Variants in LRRC27 observed in about 807,000 individuals in gnomAD.
LRRC27 encodes leucine-rich repeat-containing protein 27.
LRRC27 carries 57 observed loss-of-function variants against 55.0 expected under a neutral mutation model. The ratio of observed to expected loss-of-function variants is 1.04; its 90% CI spans 0.84 to 1.29. LRRC27 has a LOEUF of 1.29. Ranked by LOEUF, LRRC27 falls within the 50% of genes most tolerant of loss-of-function variation. LRRC27 has a pLI of 0.00. For synonymous variants in LRRC27, 278 were observed against 251.9 expected, an observed-to-expected ratio of 1.10 and a Z score of -0.98; for missense variants, 721 against 651.5, an observed-to-expected ratio of 1.11 and a Z score of -1.16.
rs2067489401 is a variant in LRRC27, at chr10:132,342,952, T to C, written c.400+681T>C. 2.0e-5 allele frequency among the ~76,000 whole-genome samples: 3 copies of C among 152,140 alleles called. No homozygotes were observed. In the South Asian group the frequency reaches 6.2e-4, roughly 31 times the overall value. ...GCATGTATACATAAAAGTACAAACATTAAGATTGTATAGCTTTGATTTTAT... is the reference window on the plus strand; with the variant it reads ...GCATGTATACATAAAAGTACAAACACTAAGATTGTATAGCTTTGATTTTAT... On this transcript the variant is annotated intron_variant, in intron 4 of 10. Coordinates refer to ENST00000368614, the MANE Select transcript of LRRC27 (RefSeq NM_030626.3).
chr10:132,348,293 C>A lies in LRRC27; in HGVS notation c.863C>A (p.Pro288His). 1 of 1,614,070 alleles carries A rather than the reference C, an allele frequency of 6.2e-7. No individual in the cohort carries two copies. The highest frequency in any genetic ancestry group is 8.5e-7 in the Non-Finnish European group (1 of 1,180,048). ...GATCAGCTCTTGACGAGGGAATTACCTCCAAATCTCAAGGCGGCCTTGAAC... is the reference window on the plus strand; with the variant it reads ...GATCAGCTCTTGACGAGGGAATTACATCCAAATCTCAAGGCGGCCTTGAAC... The part of the protein sequence containing the change: ...LGDQLLTREL[P>H]PNLKAALNIE... Residue 288 changes from proline (P) to histidine (H), a missense_variant, in exon 6 of 11, where the codon CCT becomes CAT. By Grantham distance (77) the Pro-to-His change is moderately conservative. Transcript: ENST00000368614. This position sits in a 1 kb window ranked among gnomAD's most constrained non-coding sequence, Gnocchi z 4.2.
intron 7 of LRRC27, among the ~76,000 whole-genome samples, chr10:132,352,179 AGGCCTCCGTGTGGGGCAGGCG>A: frequency 9.6e-6 from 1 of 104,544 alleles, no homozygotes; most frequent in African/African-American, 3.6e-5. Flanking sequence ...GCAGGCGCTG[AGGCCTCCGTGTGGGGCAGGCG>A]CTGAGGCCTC....
At chr10:132,360,226 G>C (rs2068548760) in intron 8 of LRRC27, among the ~76,000 whole-genome samples, 1 of 152,154 alleles carries the variant, frequency 6.6e-6, no homozygotes. Context: ...CTCCTGAGTA[G>C]CTAGAACTAC....
At chr10:132,342,924 T>C (rs2067487114) in intron 4 of LRRC27, among the ~76,000 whole-genome samples, 1 of 152,226 alleles carries the variant, frequency 6.6e-6, no homozygotes, top group African/African-American at 2.4e-5. Flanking sequence ...CAGACATGTA[T>C]ACGCATGTAT....
upstream of LRRC27, chr10:132,331,614 G>T (rs754238635): frequency 1.2e-6 from 2 of 1,612,904 alleles, no homozygotes; most frequent in South Asian, 2.2e-5. Context: ...AGCCCAGCGG[G>T]AAGGACAGGC....
rs2069361353 is a variant in LRRC27 at position 132,378,121 on chromosome 10, G to A, written c.*2879G>A. On this transcript the variant is annotated 3_prime_UTR_variant, in exon 11 of 11. Transcript: ENST00000368614. ...ACCCAGGAGACGGAGCTTGCAGTGAGCCGAGATCGCGCCACTGCACTCCAG... is the reference window on the plus strand; with the variant it reads ...ACCCAGGAGACGGAGCTTGCAGTGAACCGAGATCGCGCCACTGCACTCCAG... 1 of 151,380 alleles carries A rather than the reference G, an allele frequency of 6.6e-6. No individual in the cohort carries two copies. The highest frequency in any genetic ancestry group is 2.4e-5 in the African/African-American group (1 of 41,124). The allele number at this position is 151,380 out of a possible 1,614,324, so 9.4% of individuals were successfully genotyped here.
chr10:132,355,911 G>A lies in LRRC27; in HGVS notation c.1170+25G>A, dbSNP rs561000884. On this transcript the variant is annotated intron_variant, in intron 8 of 10. Transcript: ENST00000368614. ...GGTACGGCACGCGCGGGCGGTGACC[G>A]GGCACTAGTCCAGTCCCGGGGGTGG... The A allele has an allele frequency of 5.9e-4, 905 of 1,521,044 alleles. 11 individuals are homozygous for A. In the South Asian group the frequency reaches 0.01, roughly 17 times the overall value. The allele number at this position is 1,521,044 out of a possible 1,614,324, so 94.2% of individuals were successfully genotyped here. A position where few individuals can be genotyped will look rare whatever the true frequency, so the allele number is the denominator to read the frequency against.
chr10:132,357,336 C>T (rs1334436870), intron 8 of LRRC27, among the ~76,000 whole-genome samples: 1 of 152,202 alleles, frequency 6.6e-6, no homozygotes, highest in Non-Finnish European at 1.5e-5. Context: ...TTTGCCACTT[C>T]CAGGAATAAA....
intron 10 of LRRC27, among the ~76,000 whole-genome samples, chr10:132,373,545 T>C (rs2069265976): frequency 6.6e-6 from 1 of 152,192 alleles, no homozygotes; most frequent in South Asian, 2.1e-4. Flanking sequence ...GCGCCGGGAT[T>C]CGGTACTCCC....
At chr10:132,333,320 T>TTC (rs1029769210) in intron 1 of LRRC27, among the ~76,000 whole-genome samples, 157 bp from the exon 2 acceptor site, 5 of 152,234 alleles carry the variant, frequency 3.3e-5, no homozygotes, top group Non-Finnish European at 5.9e-5. Context: ...ATTCCTTTTT[T>TTC]TTTTTTTTAC....
rs59837689 is a variant in LRRC27, at chr10:132,335,475, TG to T, written c.210+1750del. On this transcript the variant is annotated intron_variant, in intron 2 of 10. Transcript: ENST00000368614. ...CCAGATCCTCAGAGGCTGAGTACTA[TG>T]GGGGGGGGTCACAGTCTTCCTGGAT... Among the ~76,000 whole-genome samples the T allele has an allele frequency of 5.7e-3, 800 of 140,390 alleles. 8 individuals carry two copies. The highest frequency in any genetic ancestry group is 0.02 in the African/African-American group (707 of 35,216). 92.1% of individuals were successfully genotyped at this position (140,390 alleles called of 152,430 possible). A position where few individuals can be genotyped will look rare whatever the true frequency, so the allele number is the denominator to read the frequency against.
chr10:132,331,617 G>C (rs1319735361), upstream of LRRC27: 2 of 1,612,790 alleles, frequency 1.2e-6, no homozygotes, highest in Non-Finnish European at 1.7e-6. Flanking sequence ...CCAGCGGGAA[G>C]GACAGGCAGC....
At chr10:132,331,843 A>G, upstream of LRRC27, 1 of 1,482,774 alleles carries the variant, frequency 6.7e-7, no homozygotes, top group Non-Finnish European at 9.1e-7. Context: ...GGCGCGGAAA[A>G]ACGGATGCTA....
At chr10:132,347,571 G>A (rs2067772857) in intron 5 of LRRC27, among the ~76,000 whole-genome samples, 2 of 151,686 alleles carry the variant, frequency 1.3e-5, no homozygotes, top group Non-Finnish European at 2.9e-5. Flanking sequence ...AGTCAGGTGT[G>A]CTCGGTGGGG....
intron 3 of LRRC27, among the ~76,000 whole-genome samples, chr10:132,339,149 G>A (rs528042200): frequency 3.3e-4 from 50 of 152,266 alleles, no homozygotes; most frequent in African/African-American, 1.1e-3. Flanking sequence ...GGTGGGATGC[G>A]GGTGGGTGTG....
At chr10:132,373,239 A>G (rs1564861109) in intron 10 of LRRC27, among the ~76,000 whole-genome samples, 1 of 152,202 alleles carries the variant, frequency 6.6e-6, no homozygotes, top group Non-Finnish European at 1.5e-5. Context: ...AACAGATGGG[A>G]CAAGAGGAAA....
Position 132,374,789 on chromosome 10 carries a change from G to C in LRRC27, c.1417-277G>C, listed in dbSNP as rs7078194. On this transcript the variant is annotated intron_variant, in intron 10 of 10. Coordinates refer to ENST00000368614, the MANE Select transcript of LRRC27 (RefSeq NM_030626.3). The surrounding 1 kb of genome is among the most constrained non-coding windows in gnomAD (Gnocchi z 4.4). ...CAGATGCACAGGACACCTGGGTGGG[G>C]CCGTGGGGACACCAGGATGAGTGGC... Among the ~76,000 whole-genome samples the C allele has an allele frequency of 1.8e-3, 274 of 152,348 alleles. 3 individuals carry two copies. The highest frequency in any genetic ancestry group is 5.9e-3 in the African/African-American group (247 of 41,578).
chr10:132,366,496 A>G, intron 10 of LRRC27: 1 of 157,134 alleles, frequency 6.4e-6, no homozygotes, highest in South Asian at 1.7e-4. Context: ...AGACGCAGGA[A>G]TGAAGGAAAG....
At chr10:132,353,063 C>T (rs1252514770) in intron 7 of LRRC27, 5 of 1,538,228 alleles carry the variant, frequency 3.3e-6, no homozygotes, top group African/African-American at 2.7e-5. Context: ...GGCTTCACCC[C>T]TCCCTGGGCC....
Sources: gnomAD v4.1 joint callset for allele counts (sites outside exome capture counted in the v4.1 genomes callset) on GRCh38, gnomAD v4.1.1 for gene constraint, Gnocchi (gnomAD v3.1) non-coding constraint, MANE v1.5 for transcripts, NCBI Gene and HGNC (gene_info 2026-07-23, HGNC 2026-07-21) for gene names.